The following SFMBT2 variants were observed in gnomAD, a reference collection of about 807,000 sequenced individuals.
SFMBT2 encodes scm-like with four MBT domains protein 2.
A neutral mutation model predicts 110.1 loss-of-function variants in SFMBT2; 38 were observed. That is an observed-to-expected ratio of 0.35 (90% CI 0.27 to 0.45). The LOEUF is 0.45. SFMBT2 is among the 20% of genes least tolerant of loss of function. The pLI is 1.00. For missense variants in SFMBT2, 1,011 were observed against 1,094.9 expected, an observed-to-expected ratio of 0.92 and a Z score of 1.08; for synonymous variants, 425 against 425.4, an observed-to-expected ratio of 1.00 and a Z score of 0.01.
chr10:7,267,939 CAATATTTT>C (rs1410104430), intron 7 of SFMBT2, among the ~76,000 whole-genome samples: 1 of 152,124 alleles, frequency 6.6e-6, no homozygotes, highest in Non-Finnish European at 1.5e-5. Context: ...TCTAAGGAAA[CAATATTTT>C]ATTTCCATTA....
At chr10:7,385,816 G>C (rs534362965) in intron 1 of SFMBT2, among the ~76,000 whole-genome samples, 11 of 152,066 alleles carry the variant, frequency 7.2e-5, no homozygotes, top group Non-Finnish European at 1.2e-4. Context: ...TGGCTAACAC[G>C]GTGAAACCCC....
At chr10:7,242,098 T>C (rs773743379) in intron 9 of SFMBT2, among the ~76,000 whole-genome samples, 1 of 152,178 alleles carries the variant, frequency 6.6e-6, no homozygotes, top group Non-Finnish European at 1.5e-5. Flanking sequence ...GTTCAAACTC[T>C]ACAGGACCTA....
intron 9 of SFMBT2, among the ~76,000 whole-genome samples, chr10:7,237,126 C>T (rs1840281858): frequency 6.6e-6 from 1 of 152,186 alleles, no homozygotes; most frequent in Non-Finnish European, 1.5e-5. Flanking sequence ...GAAATGTAAA[C>T]TGACACAACG....
chr10:7,226,641 A>G (rs1158753616), intron 10 of SFMBT2, among the ~76,000 whole-genome samples: 2 of 152,244 alleles, frequency 1.3e-5, no homozygotes, highest in Admixed American at 1.3e-4. Flanking sequence ...CTATACATTT[A>G]AGCCTAATTC....
chr10:7,348,383 T>C (rs1564452189), intron 4 of SFMBT2: 5 of 1,432,842 alleles, frequency 3.5e-6, no homozygotes, highest in Non-Finnish European at 4.6e-6. Context: ...CTTGCTCCTA[T>C]AATCCATGAT....
At chr10:7,328,803 C>T (rs1221748028) in intron 4 of SFMBT2, among the ~76,000 whole-genome samples, 2 of 152,154 alleles carry the variant, frequency 1.3e-5, no homozygotes, top group South Asian at 2.1e-4. Context: ...TGTACAAATA[C>T]ATTTGTACCA....
At chr10:7,400,332 C>T (rs1846039794) in intron 1 of SFMBT2, among the ~76,000 whole-genome samples, 1 of 152,202 alleles carries the variant, frequency 6.6e-6, no homozygotes, top group Non-Finnish European at 1.5e-5. Context: ...AGGACCAAAT[C>T]CCAAGCTTCA....
At chr10:7,342,396 C>CT (rs71382101) in intron 4 of SFMBT2, among the ~76,000 whole-genome samples, 13,291 of 69,330 alleles carry the variant, frequency 0.19, 4,238 homozygotes, top group Non-Finnish European at 0.26. Flanking sequence ...TGGAGTGAGT[C>CT]TTTTTTTTTT....
At chr10:7,216,115 A>G (rs1231657299) in intron 11 of SFMBT2, among the ~76,000 whole-genome samples, 1 of 152,224 alleles carries the variant, frequency 6.6e-6, no homozygotes, top group Non-Finnish European at 1.5e-5. Flanking sequence ...TCAAGGCCAC[A>G]GGGCCACCAG....
intron 1 of SFMBT2, among the ~76,000 whole-genome samples, chr10:7,396,468 A>C (rs558240530): frequency 3.7e-4 from 57 of 152,354 alleles, no homozygotes; most frequent in Middle Eastern, 3.4e-3. Context: ...CCGGCATCCC[A>C]AACAGACACA....
intron 12 of SFMBT2, chr10:7,205,447 AG>A: frequency 1.0e-6 from 1 of 985,374 alleles, no homozygotes; most frequent in Non-Finnish European, 1.2e-6. Context: ...AGATTCTGTT[AG>A]GAGAAGCTAC....
intron 4 of SFMBT2, among the ~76,000 whole-genome samples, chr10:7,361,147 GT>G (rs1250925582): frequency 6.6e-6 from 1 of 152,184 alleles, no homozygotes; most frequent in East Asian, 1.9e-4. Flanking sequence ...TGGGTGCCCA[GT>G]TAGGATTCAT....
intron 9 of SFMBT2, among the ~76,000 whole-genome samples, chr10:7,243,106 A>G (rs1192125174): frequency 6.6e-6 from 1 of 152,230 alleles, no homozygotes; most frequent in Non-Finnish European, 1.5e-5. Context: ...TAATTATTTT[A>G]AAGTATTATA....
intron 7 of SFMBT2, among the ~76,000 whole-genome samples, chr10:7,263,594 C>T (rs72773896): frequency 0.013 from 1,977 of 152,258 alleles, 26 homozygotes; most frequent in Middle Eastern, 0.041. Flanking sequence ...AAGGAGATAT[C>T]CATCATGTAT....
At position 7,176,155 on chromosome 10, in the gene SFMBT2, T is replaced by A; in HGVS notation, c.1819A>T (p.Lys607Ter). The A allele has an allele frequency of 6.2e-7, 1 of 1,614,212 alleles. No homozygotes were observed. Among genetic ancestry groups the A allele is most frequent in the Non-Finnish European group, 8.5e-7 (1 of 1,180,016 alleles). Residue 607 changes from lysine to a stop codon, truncating the protein, a stop_gained, in exon 17 of 21, where the codon AAA (lysine) becomes TAA (stop). Coordinates refer to ENST00000397167, the MANE Select transcript of SFMBT2 (RefSeq NM_001387889.1). LOFTEE classifies it high-confidence loss of function. Reference protein sequence around the residue: ...EETLKAKYRGKTYRAVVKIVR... With the variant: ...EETLKAKYRG ...ATTTTGACCACAGCCCTGTATGTTT[T>A]GCCTCTGTATCTAGAAAATAGGTGG...
chr10:7,357,132 A>G (rs997561620), intron 4 of SFMBT2, among the ~76,000 whole-genome samples: 3 of 152,206 alleles, frequency 2.0e-5, no homozygotes, highest in Admixed American at 6.5e-5. Context: ...CCAAGTGTAC[A>G]CAAAATGTTC....
Position 7,248,432 on chromosome 10 carries a change from G to T in SFMBT2, c.972+116C>A. On this transcript the variant is annotated intron_variant, in intron 8 of 20. Coordinates refer to ENST00000397167, the MANE Select transcript of SFMBT2 (RefSeq NM_001387889.1). ...AAGGGCGGCAATCTTCCTTAGCTTC[G>T]CCTGGCATTGCTGATAGCCTTGCAC... 4.9e-6 allele frequency: 4 copies of T among 808,934 alleles called. No individual in the cohort carries two copies. The South Asian group carries it at 5.0e-5, about 10-fold the overall frequency. The allele number at this position is 808,934 out of a possible 1,614,324, so 50.1% of individuals were successfully genotyped here. A position where few individuals can be genotyped will look rare whatever the true frequency, so the allele number is the denominator to read the frequency against.
At chr10:7,220,962 G>C (rs541783945) in intron 10 of SFMBT2, among the ~76,000 whole-genome samples, 6 of 152,082 alleles carry the variant, frequency 3.9e-5, no homozygotes, top group African/African-American at 1.4e-4. Context: ...GAGTAGCTGG[G>C]ACTACAGGCA....
intron 4 of SFMBT2, among the ~76,000 whole-genome samples, chr10:7,311,045 C>CAAAAAAAAAAAAAAAAAAAA (rs201310544): frequency 1.0e-5 from 1 of 96,938 alleles, no homozygotes; most frequent in African/African-American, 3.9e-5. Context: ...AACTCCATCT[C>CAAAAAAAAAAAAAAAAAAAA]AAAAAAAAAA....
Sources: allele counts gnomAD v4.1 joint callset (sites outside exome capture counted in the v4.1 genomes callset), GRCh38; gene constraint gnomAD v4.1.1; transcripts MANE v1.5; gene names NCBI Gene and HGNC (gene_info 2026-07-23, HGNC 2026-07-21).